HTRA3: variants seen among roughly 807,000 people sequenced by gnomAD.
HTRA3 encodes HtrA serine peptidase 3.
HTRA3 carries 41 observed loss-of-function variants against 43.2 expected under a neutral mutation model. The ratio of observed to expected loss-of-function variants is 0.95; its 90% CI spans 0.74 to 1.23. HTRA3 has a LOEUF of 1.23. HTRA3 is among the 50% of genes most tolerant of loss of function. HTRA3 has a pLI of 0.00. For synonymous variants in HTRA3, 295 were observed against 287.9 expected, an observed-to-expected ratio of 1.02 and a Z score of -0.25; for missense variants, 628 against 647.1, an observed-to-expected ratio of 0.97 and a Z score of 0.32.
chr4:8,284,000 C>G (rs1712860577), intron 2 of HTRA3, among the ~76,000 whole-genome samples: 1 of 152,200 alleles, frequency 6.6e-6, no homozygotes, highest in African/African-American at 2.4e-5. Context: ...AGAGGTCGTG[C>G]TCCTTGAACA....
Position 8,270,330 on chromosome 4 carries a change from T to G in HTRA3, c.362T>G (p.Leu121Arg), listed in dbSNP as rs943451025. 3 of 1,436,836 alleles carry G rather than the reference T, an allele frequency of 2.1e-6. No homozygotes were observed. In the African/African-American group the frequency reaches 4.5e-5, roughly 22 times the overall value. 89.0% of individuals were successfully genotyped at this position (1,436,836 alleles called of 1,614,324 possible). ...LQLSGTPVRQLQKGACPLGLH... is the reference protein window; with the variant it reads ...LQLSGTPVRQRQKGACPLGLH... ...CTCTCCGGGACGCCCGTGCGCCAGC[T>G]GCAGAAGGGCGCCTGCCCGTTGGGT... Residue 121 changes from leucine (L) to arginine (R), a missense_variant, in exon 1 of 9, where the codon CTG becomes CGG. Coordinates refer to ENST00000307358, the MANE Select transcript of HTRA3 (RefSeq NM_053044.5).
intron 6 of HTRA3, among the ~76,000 whole-genome samples, chr4:8,298,194 C>T (rs1713526359): frequency 6.6e-6 from 1 of 152,252 alleles, no homozygotes; most frequent in Non-Finnish European, 1.5e-5. Flanking sequence ...CAGATCACGT[C>T]TGGTGATTCA....
chr4:8,271,154 C>T (rs1712254810), intron 1 of HTRA3, among the ~76,000 whole-genome samples: 1 of 152,072 alleles, frequency 6.6e-6, no homozygotes, highest in African/African-American at 2.4e-5. Context: ...AGAACAGGCT[C>T]CGTGGAGCCT....
chr4:8,288,161 C>T (rs565724922), intron 3 of HTRA3, among the ~76,000 whole-genome samples: 1 of 152,220 alleles, frequency 6.6e-6, no homozygotes, highest in African/African-American at 2.4e-5. Flanking sequence ...AATGGGGACC[C>T]TTCCCTGCTT....
intron 2 of HTRA3, among the ~76,000 whole-genome samples, chr4:8,284,495 G>A (rs1257687638): frequency 1.3e-5 from 2 of 152,228 alleles, no homozygotes; most frequent in Admixed American, 6.5e-5. Flanking sequence ...TCCAGCACAG[G>A]CCTCCCGGCT....
At chr4:8,277,833 T>C (rs1162781590) in intron 1 of HTRA3, among the ~76,000 whole-genome samples, 2 of 152,138 alleles carry the variant, frequency 1.3e-5, no homozygotes, top group African/African-American at 4.8e-5. Flanking sequence ...CACTCATGGC[T>C]CCTCCATCCC....
At chr4:8,292,696 C>T (rs1713297581) in intron 5 of HTRA3, among the ~76,000 whole-genome samples, 1 of 152,204 alleles carries the variant, frequency 6.6e-6, no homozygotes, top group Admixed American at 6.5e-5. Flanking sequence ...GACAGGGGCA[C>T]CCTCATTCTC....
At position 8,270,262 on chromosome 4, in the gene HTRA3, C is replaced by CA; in HGVS notation, c.296dup (p.Asn99LysfsTer47). On this transcript the variant is annotated frameshift_variant, in exon 1 of 9. Coordinates refer to ENST00000307358, the MANE Select transcript of HTRA3 (RefSeq NM_053044.5). LOFTEE classifies it high-confidence loss of function. ...GTGGCACCGACGGGCACACCTATGC[C>CA]AACGTGTGCGCGCTGCAGGCGGCCA... 6.6e-7 allele frequency: 1 copy of CA among 1,510,366 alleles called. No individual in the cohort carries two copies. Among genetic ancestry groups the CA allele is most frequent in the Non-Finnish European group, 8.8e-7 (1 of 1,137,484 alleles). The allele number at this position is 1,510,366 out of a possible 1,614,324, so 93.6% of individuals were successfully genotyped here.
intron 3 of HTRA3, among the ~76,000 whole-genome samples, chr4:8,289,014 A>G (rs1180646251): frequency 1.3e-5 from 2 of 149,112 alleles, no homozygotes; most frequent in African/African-American, 5.0e-5. Context: ...CAGTGGCACA[A>G]TCACAGCTCA....
chr4:8,294,578 G>A (rs368695143), intron 6 of HTRA3, among the ~76,000 whole-genome samples: 2,652 of 32,588 alleles, frequency 0.081, 172 homozygotes, highest in African/African-American at 0.18. Flanking sequence ...CCGTCCGTCC[G>A]TCCGTCCATC....
chr4:8,301,726 T>C lies in HTRA3; in HGVS notation c.1052-737T>C, dbSNP rs570088846. 2.6e-5 allele frequency among the ~76,000 whole-genome samples: 4 copies of C among 152,324 alleles called. No homozygotes were observed. The South Asian group carries it at 8.3e-4, about 32-fold the overall frequency. On this transcript the variant is annotated intron_variant, in intron 6 of 8. Coordinates refer to ENST00000307358, the MANE Select transcript of HTRA3 (RefSeq NM_053044.5). The stretch of plus-strand genomic sequence containing the variant: ...CTACAAATTTTAATATATTATACAT[T>C]CATTTTTATTCAGCTGAACATAATT...
chr4:8,292,260 G>A, intron 4 of HTRA3, 61 bp from the exon 5 acceptor site: 2 of 1,488,920 alleles, frequency 1.3e-6, no homozygotes, highest in East Asian at 2.3e-5. Context: ...ATCTGGAGAA[G>A]GGGCTCCAGG....
intron 4 of HTRA3, 26 bp from the exon 5 acceptor site, chr4:8,292,295 G>A (rs376097355): frequency 1.2e-6 from 2 of 1,611,294 alleles, no homozygotes. Context: ...GTCAGGCACA[G>A]CTAATGCTGT....
chr4:8,278,187 T>TC (rs1309738921), intron 1 of HTRA3, among the ~76,000 whole-genome samples: 1 of 152,028 alleles, frequency 6.6e-6, no homozygotes, highest in Non-Finnish European at 1.5e-5. Flanking sequence ...TTGGCCACAG[T>TC]CCCCCAGGAC....
chr4:8,293,079 G>A (rs1190336276), intron 5 of HTRA3, among the ~76,000 whole-genome samples: 1 of 152,212 alleles, frequency 6.6e-6, no homozygotes, highest in East Asian at 1.9e-4. Context: ...GCTCTCAGAG[G>A]CTTAGGGAGG....
chr4:8,285,438 C>T (rs1281444342), intron 2 of HTRA3, among the ~76,000 whole-genome samples: 4 of 152,162 alleles, frequency 2.6e-5, no homozygotes, highest in African/African-American at 4.8e-5. Context: ...ACGTGCCAGA[C>T]GCTCCCATCC....
chr4:8,276,216 G>A (rs1712518366), intron 1 of HTRA3, among the ~76,000 whole-genome samples: 1 of 152,232 alleles, frequency 6.6e-6, no homozygotes, highest in Non-Finnish European at 1.5e-5. Context: ...TGCTCAGGGT[G>A]GAGTCCCAGC....
chr4:8,275,774 G>T (rs1712495447), intron 1 of HTRA3, among the ~76,000 whole-genome samples: 1 of 152,232 alleles, frequency 6.6e-6, no homozygotes, highest in African/African-American at 2.4e-5. Flanking sequence ...ACATCATTGG[G>T]GTATTGATGT....
intron 7 of HTRA3, among the ~76,000 whole-genome samples, chr4:8,303,682 T>C (rs2153007389): frequency 6.6e-6 from 1 of 152,374 alleles, no homozygotes; most frequent in Non-Finnish European, 1.5e-5. Context: ...CTGTCTCTTT[T>C]ATCTGTCTGT....
Sources: allele counts gnomAD v4.1 joint callset (sites outside exome capture counted in the v4.1 genomes callset), GRCh38; gene constraint gnomAD v4.1.1; transcripts MANE v1.5; gene names NCBI Gene and HGNC (gene_info 2026-07-23, HGNC 2026-07-21).